ZNF331: variants seen among roughly 807,000 people sequenced by gnomAD.
ZNF331 encodes zinc finger protein 331.
In ZNF331, 2 loss-of-function variants were observed where a neutral mutation model predicts 7.0. The observed-to-expected ratio is 0.29, with a 90% CI of 0.12 to 0.90. The LOEUF is 0.90. Among genes scored for constraint, ZNF331 ranks in the 40% least tolerant of loss-of-function variants. The pLI, the probability that ZNF331 is intolerant of heterozygous loss-of-function variation, is 0.58. For synonymous variants in ZNF331, 196 were observed against 205.4 expected (o/e 0.95, Z 0.39); for missense variants, 432 against 587.7 (o/e 0.74, Z 2.74).
At chr19:53,513,730 C>A in the ZNF331 span, among the ~76,000 whole-genome samples, 1 of 151,904 alleles carries the variant, frequency 6.6e-6, no homozygotes, top group African/African-American at 2.4e-5. Flanking sequence ...CGGCTCACTG[C>A]AACCTCCGCC....
At chr19:53,540,496 A>G (rs1202054666) in intron 2 of ZNF331, among the ~76,000 whole-genome samples, 1 of 151,964 alleles carries the variant, frequency 6.6e-6, no homozygotes, top group African/African-American at 2.4e-5. Flanking sequence ...GCAGTGGCAC[A>G]ATCTTGGCTC....
upstream of ZNF331, among the ~76,000 whole-genome samples, chr19:53,520,103 A>C (rs1206276399): frequency 6.6e-6 from 1 of 151,992 alleles, no homozygotes; most frequent in Non-Finnish European, 1.5e-5. Context: ...GCTGGAGTGC[A>C]GTGGTGTGAT....
upstream of ZNF331, among the ~76,000 whole-genome samples, chr19:53,535,760 T>C (rs1028092090): frequency 3.3e-5 from 5 of 152,046 alleles, no homozygotes; most frequent in South Asian, 8.3e-4. Context: ...ATTTCAAAGG[T>C]ATATGAAATA....
In ZNF331 at chr19:53,577,745, A is replaced by G. The variant is rs1056393; in HGVS notation, c.1185A>G (p.Gly395=). Residue 395 remains glycine, a synonymous_variant, in exon 6 of 6, where the codon GGA becomes GGG. Coordinates refer to ENST00000449416, the MANE Select transcript of ZNF331 (RefSeq NM_001079906.2). ...AGTGTGGGAAGGCTTTCATTTATGGATCGAGCCTCGTGAAACATGAGAGAA... is the reference window on the plus strand; with the variant it reads ...AGTGTGGGAAGGCTTTCATTTATGGGTCGAGCCTCGTGAAACATGAGAGAA... ...CKECGKAFIY[G]SSLVKHERIH... 0.069 allele frequency: 111,787 copies of G among 1,614,054 alleles called. 5,042 individuals carry two copies. The highest frequency in any genetic ancestry group is 0.22 in the African/African-American group (16,802 of 74,980).
In ZNF331 at chr19:53,578,124, C is replaced by T. The variant is rs1024409611; in HGVS notation, c.*172C>T. 4.2e-5 allele frequency: 36 copies of T among 863,578 alleles called. No homozygotes were observed. Among genetic ancestry groups the T allele is most frequent in the Admixed American group, 1.2e-4 (4 of 33,418 alleles). 53.5% of individuals were successfully genotyped at this position (863,578 alleles called of 1,614,324 possible). A position where few individuals can be genotyped will look rare whatever the true frequency, so the allele number is the denominator to read the frequency against. On this transcript the variant is annotated 3_prime_UTR_variant, in exon 6 of 6. Coordinates refer to ENST00000449416, the MANE Select transcript of ZNF331 (RefSeq NM_001079906.2). The stretch of plus-strand genomic sequence containing the variant: ...TAGCGTGATGAAATCTCTCGCTGTC[C>T]GGCTCCAGCCGGCCGGGGATGTGAG...
At chr19:53,570,980 T>A (rs1423486081) in intron 4 of ZNF331, among the ~76,000 whole-genome samples, 1 of 151,532 alleles carries the variant, frequency 6.6e-6, no homozygotes, top group Non-Finnish European at 1.5e-5. Flanking sequence ...TGCCTCAGCC[T>A]CCCGAGTAGC....
At position 53,577,694 on chromosome 19, in the gene ZNF331, A is replaced by G. The variant is rs2147725677; in HGVS notation, c.1134A>G (p.Thr378=). 6.2e-7 allele frequency: 1 copy of G among 1,613,786 alleles called. No homozygotes were observed. Among genetic ancestry groups the G allele is most frequent in the Non-Finnish European group, 8.5e-7 (1 of 1,179,914 alleles). Residue 378 remains threonine (T), a synonymous_variant, in exon 6 of 6, where the codon ACA becomes ACG. Coordinates refer to ENST00000449416, the MANE Select transcript of ZNF331 (RefSeq NM_001079906.2). ...TCACTCAGCACGAGAGAATCCACAC[A>G]GGCGAAACCCCGTATAAATGTAAGG... The part of the protein sequence containing the change: ...YHLTQHERIH[T]GETPYKCKEC...
upstream of ZNF331, among the ~76,000 whole-genome samples, chr19:53,516,282 C>A (rs1414872407): frequency 6.6e-6 from 1 of 151,952 alleles, no homozygotes; most frequent in African/African-American, 2.4e-5. Flanking sequence ...GAAACGCTGT[C>A]TCTACTAAAA....
chr19:53,523,236 T>C (rs551943268), intron 2 of ZNF331: 1 of 151,992 alleles, frequency 6.6e-6, no homozygotes, highest in Non-Finnish European at 1.5e-5. Context: ...TTTTTTTATT[T>C]TTTTTTTCTT....
upstream of ZNF331, among the ~76,000 whole-genome samples, chr19:53,517,809 G>A (rs2086939102): frequency 6.6e-6 from 1 of 152,100 alleles, no homozygotes; most frequent in Non-Finnish European, 1.5e-5. Flanking sequence ...CCAAAGGCCC[G>A]AGAGCCCCCA....
intron 4 of ZNF331, 42 bp downstream of exon 4, chr19:53,569,427 G>C: frequency 6.2e-7 from 1 of 1,611,000 alleles, no homozygotes. Context: ...TATGATATTT[G>C]CGTTCTGTGC....
chr19:53,567,837 T>A (rs2090230301), intron 3 of ZNF331, among the ~76,000 whole-genome samples: 1 of 76,136 alleles, frequency 1.3e-5, no homozygotes, highest in South Asian at 4.1e-4. Flanking sequence ...TGAGACCCTG[T>A]CTTAAAAAAA....
At position 53,577,277 on chromosome 19, in the gene ZNF331, G is replaced by C. The variant is rs745419792; in HGVS notation, c.717G>C (p.Gly239=). 1 of 1,613,664 alleles carries C rather than the reference G, an allele frequency of 6.2e-7. No homozygotes were observed. Among genetic ancestry groups the C allele is most frequent in the East Asian group, 2.2e-5 (1 of 44,852 alleles). ...ELTQHQRFHT[G]EKDYECKDCG... ...CTCAGCACCAGAGATTCCACACTGG[G>C]GAGAAAGACTACGAATGCAAAGACT... is the stretch of plus-strand genomic sequence containing the variant. Residue 239 remains glycine, a synonymous_variant, in exon 6 of 6, where the codon GGG becomes GGC. Transcript: ENST00000449416.
At position 53,577,745 on chromosome 19, in the gene ZNF331, A is replaced by T. The variant is rs1056393; in HGVS notation, c.1185A>T (p.Gly395=). The T allele has an allele frequency of 6.2e-7, 1 of 1,614,064 alleles. No individual in the cohort carries two copies. ...CKECGKAFIY[G]SSLVKHERIH... The stretch of plus-strand genomic sequence containing the variant: ...AGTGTGGGAAGGCTTTCATTTATGG[A>T]TCGAGCCTCGTGAAACATGAGAGAA... The change falls in exon 6 of 6, where the codon GGA becomes GGT. Residue 395 remains glycine (G), a synonymous_variant. Coordinates refer to ENST00000449416, the MANE Select transcript of ZNF331 (RefSeq NM_001079906.2).
the ZNF331 span, among the ~76,000 whole-genome samples, chr19:53,509,778 C>A: frequency 1.3e-5 from 2 of 152,064 alleles, no homozygotes; most frequent in African/African-American, 4.8e-5. Flanking sequence ...GTCTGTTTTC[C>A]CCTAGCTACA....
At chr19:53,570,085 A>T (rs992121841) in intron 4 of ZNF331, among the ~76,000 whole-genome samples, 4 of 151,938 alleles carry the variant, frequency 2.6e-5, no homozygotes, top group Non-Finnish European at 5.9e-5. Flanking sequence ...GTAAAACCTC[A>T]TCTGTACTAA....
chr19:53,516,147 TC>T (rs2086897947), upstream of ZNF331, among the ~76,000 whole-genome samples: 1 of 152,106 alleles, frequency 6.6e-6, no homozygotes, highest in African/African-American at 2.4e-5. Context: ...TTTAGACTGC[TC>T]ATTAAAATAT....
At chr19:53,514,682 A>G (rs373255457), upstream of ZNF331, among the ~76,000 whole-genome samples, 40,708 of 127,014 alleles carry the variant, frequency 0.32, 7,023 homozygotes, top group Middle Eastern at 0.44. Flanking sequence ...ACAGAGTTTC[A>G]CACTGTCGCC....
chr19:53,556,927 T>TTCTGAG lies in ZNF331; in HGVS notation c.-74+1021_-74+1026dup, dbSNP rs1259545519. ...CTCAAGCAATCCTCCCACCTCAGCC[T>TTCTGAG]TCTGAGTAGCTGGGACTACAGGTGT... On this transcript the variant is annotated intron_variant, in intron 3 of 5. Transcript: ENST00000449416. Among the ~76,000 whole-genome samples, 4 of 150,284 alleles carry TTCTGAG rather than the reference T, an allele frequency of 2.7e-5. No individual in the cohort carries two copies. In the East Asian group the frequency reaches 7.8e-4, roughly 29 times the overall value.
Sources: gnomAD v4.1 joint callset for allele counts (sites outside exome capture counted in the v4.1 genomes callset) on GRCh38, gnomAD v4.1.1 for gene constraint, MANE v1.5 for transcripts, NCBI Gene and HGNC (gene_info 2026-07-23, HGNC 2026-07-21) for gene names.